The following PAPOLA variants were observed in gnomAD, a reference collection of about 807,000 sequenced individuals.
The protein encoded by PAPOLA is polynucleotide adenylyltransferase alpha.
Under a neutral mutation model 100.6 loss-of-function variants are expected in PAPOLA, and 15 were observed. The observed-to-expected ratio is 0.15, with a 90% CI of 0.10 to 0.23. PAPOLA has a LOEUF of 0.23. Ranked by LOEUF, PAPOLA falls within the 10% of genes least tolerant of loss-of-function variation. The probability of loss-of-function intolerance (pLI) is 1.00; values close to 1 mark genes in which losing one functional copy is unlikely to be tolerated. For missense variants in PAPOLA, 533 were observed against 884.2 expected (o/e 0.60, Z 5.04); for synonymous variants, 293 against 300.0 (o/e 0.98, Z 0.24).
chr14:96,512,279 G>A (rs561087739), intron 1 of PAPOLA, among the ~76,000 whole-genome samples: 16 of 152,062 alleles, frequency 1.1e-4, no homozygotes, highest in African/African-American at 3.1e-4. Context: ...AAAACTGGGT[G>A]TCATGGTCCA....
intron 12 of PAPOLA, among the ~76,000 whole-genome samples, chr14:96,539,903 T>A (rs983667521): frequency 3.3e-5 from 5 of 152,180 alleles, no homozygotes; most frequent in African/African-American, 1.2e-4. Flanking sequence ...GGGTTTTTTT[T>A]TATTAAACTT....
In PAPOLA at chr14:96,562,904, C is replaced by CA. The variant is rs1901980789; in HGVS notation, c.2142+16dup. On this transcript the variant is annotated intron_variant, in intron 21 of 21. Transcript: ENST00000216277. Reference sequence around the variant, plus strand: ...CTGTTGGCCTCTCAGGTACTAAGTGCAAAAAGCAAGGAGAATTTTGTAAAT... The same window carrying CA: ...CTGTTGGCCTCTCAGGTACTAAGTGCAAAAAAGCAAGGAGAATTTTGTAAAT... 6.4e-7 allele frequency: 1 copy of CA among 1,574,704 alleles called. No homozygotes were observed. The highest frequency in any genetic ancestry group is 8.7e-7 in the Non-Finnish European group (1 of 1,147,136).
chr14:96,560,507 G>C, intron 19 of PAPOLA, 142 bp from the exon 20 acceptor site: 1 of 611,320 alleles, frequency 1.6e-6, no homozygotes, highest in Non-Finnish European at 2.9e-6. Flanking sequence ...TTAAAAGAGG[G>C]ACCAGTTATC....
At chr14:96,547,952 A>C in intron 16 of PAPOLA, 34 bp downstream of exon 16, 2 of 1,545,660 alleles carry the variant, frequency 1.3e-6, no homozygotes, top group South Asian at 2.4e-5. Context: ...AAGCATTACT[A>C]ACATAATGTT....
intron 1 of PAPOLA, among the ~76,000 whole-genome samples, chr14:96,516,931 AG>A (rs1566836841): frequency 1.3e-5 from 2 of 152,184 alleles, no homozygotes. Flanking sequence ...GAAAGCCTAA[AG>A]ATTTGAGTAA....
At chr14:96,539,256 A>T (rs1000249659) in intron 12 of PAPOLA, among the ~76,000 whole-genome samples, 1 of 152,116 alleles carries the variant, frequency 6.6e-6, no homozygotes, top group Non-Finnish European at 1.5e-5. Context: ...TTATAATTTC[A>T]TGTGTGTATA....
At chr14:96,505,412 G>A (rs968556253) in intron 1 of PAPOLA, among the ~76,000 whole-genome samples, 1 of 152,096 alleles carries the variant, frequency 6.6e-6, no homozygotes, top group Admixed American at 6.6e-5. Context: ...ACTCTGTGTT[G>A]GTCAGATATT....
At chr14:96,558,579 A>G (rs1480516825) in intron 19 of PAPOLA, among the ~76,000 whole-genome samples, 9 of 152,170 alleles carry the variant, frequency 5.9e-5, no homozygotes, top group Admixed American at 5.2e-4. Context: ...TTTAAACTTA[A>G]GTATGGAAAA....
intron 3 of PAPOLA, among the ~76,000 whole-genome samples, chr14:96,522,697 C>A (rs1301624117): frequency 3.3e-5 from 5 of 152,120 alleles, no homozygotes; most frequent in Admixed American, 1.3e-4. Context: ...GAGCCACTGC[C>A]CCAGCCCCTT....
intron 10 of PAPOLA, chr14:96,534,777 A>G (rs2140289937): frequency 7.6e-7 from 1 of 1,311,374 alleles, no homozygotes; most frequent in Non-Finnish European, 9.7e-7. Flanking sequence ...TTAATTGTAC[A>G]TAGTTTTTAA....
chr14:96,564,591 A>G (rs74086722), intron 21 of PAPOLA, among the ~76,000 whole-genome samples: 5,541 of 152,174 alleles, frequency 0.036, 161 homozygotes, highest in African/African-American at 0.074. Flanking sequence ...GGGTGCTCCA[A>G]TACTAGTTAA....
intron 1 of PAPOLA, 108 bp from the exon 2 acceptor site, chr14:96,519,947 C>T: frequency 1.1e-6 from 1 of 920,074 alleles, no homozygotes; most frequent in South Asian, 2.1e-5. Context: ...TGCAGGGAAC[C>T]AATCATGTTT....
chr14:96,508,712 T>C (rs1007531402), intron 1 of PAPOLA, among the ~76,000 whole-genome samples: 8 of 152,220 alleles, frequency 5.3e-5, no homozygotes, highest in African/African-American at 1.9e-4. Flanking sequence ...ACCATTTGGC[T>C]TCTTAGCTAG....
chr14:96,515,178 T>C (rs1897368554), intron 1 of PAPOLA, among the ~76,000 whole-genome samples: 1 of 152,322 alleles, frequency 6.6e-6, no homozygotes, highest in African/African-American at 2.4e-5. Flanking sequence ...TTAAAAGGCA[T>C]GTATTCTATG....
chr14:96,534,308 A>G (rs1899330992), intron 9 of PAPOLA, 183 bp from the exon 10 acceptor site: 1 of 1,386,162 alleles, frequency 7.2e-7, no homozygotes, highest in Non-Finnish European at 9.3e-7. Context: ...GTTTAAGTTC[A>G]TTTCATAGTT....
intron 19 of PAPOLA, among the ~76,000 whole-genome samples, chr14:96,559,296 C>T (rs1901613258): frequency 6.6e-6 from 1 of 151,534 alleles, no homozygotes; most frequent in Non-Finnish European, 1.5e-5. Context: ...ATTTTGAAGC[C>T]CTTCTTAATT....
chr14:96,550,152 C>CA (rs1462657362), intron 16 of PAPOLA, among the ~76,000 whole-genome samples: 1 of 152,038 alleles, frequency 6.6e-6, no homozygotes, highest in Non-Finnish European at 1.5e-5. Context: ...CTGTCTCTTA[C>CA]AAAATAATAA....
chr14:96,520,032 A>G (rs748035759), intron 1 of PAPOLA, 23 bp from the exon 2 acceptor site: 1 of 1,566,514 alleles, frequency 6.4e-7, no homozygotes, highest in Non-Finnish European at 8.7e-7. Context: ...TTTGGCAGTA[A>G]TTGTATCCAA....
intron 1 of PAPOLA, among the ~76,000 whole-genome samples, chr14:96,514,717 A>C (rs192200626): frequency 4.6e-5 from 7 of 152,324 alleles, no homozygotes; most frequent in Admixed American, 4.6e-4. Context: ...TTTGGTCTAA[A>C]AACTTTCGTA....
Sources: allele counts gnomAD v4.1 joint callset (sites outside exome capture counted in the v4.1 genomes callset), GRCh38; gene constraint gnomAD v4.1.1; transcripts MANE v1.5; gene names NCBI Gene and HGNC (gene_info 2026-07-23, HGNC 2026-07-21).